The following SHOX variants were observed in gnomAD, a reference collection of about 807,000 sequenced individuals.
SHOX encodes SHOX homeobox.
In SHOX, 12 loss-of-function variants were observed where a neutral mutation model predicts 29.6. The ratio of observed to expected loss-of-function variants is 0.41; its 90% CI spans 0.26 to 0.66. The LOEUF (loss-of-function observed/expected upper bound fraction) is 0.66, where lower values mean the gene tolerates loss of function less well. Among genes scored for constraint, SHOX ranks in the 30% least tolerant of loss-of-function variants. SHOX has a pLI of 0.35. For missense variants in SHOX, 499 were observed against 437.7 expected (o/e 1.14, Z -1.25); for synonymous variants, 214 against 200.6 (o/e 1.07, Z -0.57).
downstream of SHOX, among the ~76,000 whole-genome samples, chrX:656,438 G>T (rs2053147293): frequency 6.6e-6 from 1 of 151,406 alleles, no homozygotes; most frequent in Non-Finnish European, 1.5e-5. Flanking sequence ...AGCCAGCTGT[G>T]CTGGCTGATG....
At chrX:643,975 G>C (rs184156128) in intron 4 of SHOX, among the ~76,000 whole-genome samples, 11,325 of 67,718 alleles carry the variant, frequency 0.17, 570 homozygotes, top group South Asian at 0.24. Flanking sequence ...TGTCTCGGGA[G>C]AGCCTTGGTG....
At chrX:629,707 A>G (rs772193420), upstream of SHOX, among the ~76,000 whole-genome samples, 1 of 152,040 alleles carries the variant, frequency 6.6e-6, no homozygotes, top group African/African-American at 2.4e-5. Context: ...CCGGGGAGGA[A>G]GATGCGCCGT....
chrX:656,842 CAAAA>C (rs777955647), intron 5 of SHOX, among the ~76,000 whole-genome samples: 27,514 of 49,232 alleles, frequency 0.56, 8,165 homozygotes, highest in East Asian at 0.69. Flanking sequence ...GACTCCGTCT[CAAAA>C]AAAAAAAAAA....
downstream of SHOX, among the ~76,000 whole-genome samples, chrX:652,172 G>T (rs1191418669): frequency 6.6e-6 from 1 of 151,966 alleles, no homozygotes; most frequent in African/African-American, 2.4e-5. Flanking sequence ...ATCCACCCGC[G>T]TCTGGGCCCG....
intron 4 of SHOX, among the ~76,000 whole-genome samples, chrX:643,537 G>GAGGTTACGGGGGC (rs2052902993): frequency 7.0e-6 from 1 of 142,450 alleles, no homozygotes; most frequent in Non-Finnish European, 1.5e-5. Flanking sequence ...TGTCTCGGGA[G>GAGGTTACGGGGGC]TGCCTTGGGG....
chrX:640,500 T>C (rs1034521464), intron 2 of SHOX, among the ~76,000 whole-genome samples: 1 of 152,014 alleles, frequency 6.6e-6, no homozygotes, highest in Non-Finnish European at 1.5e-5. Flanking sequence ...GGCTTGAACC[T>C]GGGAGGTGGA....
upstream of SHOX, among the ~76,000 whole-genome samples, chrX:630,114 C>T (rs1444387675): frequency 1.3e-5 from 2 of 152,110 alleles, no homozygotes; most frequent in Non-Finnish European, 2.9e-5. Context: ...GGAGGCGGCC[C>T]CGGGGATCCT....
intron 1 of SHOX, chrX:624,733 CTTTCT>C (rs1364222745): frequency 3.0e-5 from 4 of 132,410 alleles, no homozygotes; most frequent in African/African-American, 5.9e-5. Flanking sequence ...TTCTTTCTTT[CTTTCT>C]TTTCTTTCTT....
intron 4 of SHOX, 75 bp downstream of exon 4, chrX:641,162 C>A (rs972163979): frequency 2.0e-5 from 27 of 1,346,770 alleles, no homozygotes; most frequent in Middle Eastern, 4.1e-4. Context: ...TTTGCTGCCG[C>A]ATCCTGACAC....
intron 2 of SHOX, among the ~76,000 whole-genome samples, chrX:637,071 C>G (rs181463930): frequency 0.022 from 3,297 of 151,224 alleles, 134 homozygotes; most frequent in African/African-American, 0.077. Context: ...GCATCTTTAC[C>G]GAGGGCTGTG....
chrX:636,772 C>A (rs1280558040), intron 2 of SHOX, among the ~76,000 whole-genome samples: 2 of 135,806 alleles, frequency 1.5e-5, no homozygotes, highest in African/African-American at 2.7e-5. Context: ...TATATATTAA[C>A]ATATATATAC....
At chrX:637,035 G>C (rs1392630518) in intron 2 of SHOX, among the ~76,000 whole-genome samples, 1 of 149,960 alleles carries the variant, frequency 6.7e-6, no homozygotes, top group East Asian at 1.9e-4. Context: ...CCCTAAGATC[G>C]TTAGGATTAA....
chrX:655,608 CTCTCTCTATATATATA>C (rs1374617502), downstream of SHOX, among the ~76,000 whole-genome samples: 161 of 24,418 alleles, frequency 6.6e-3, no homozygotes, highest in Admixed American at 0.018. Context: ...CTCTCTCTCT[CTCTCTCTATATATATA>C]TATATATATA....
chrX:633,258 G>A (rs2052680712), intron 1 of SHOX, among the ~76,000 whole-genome samples: 1 of 152,272 alleles, frequency 6.6e-6, no homozygotes, highest in African/African-American at 2.4e-5. Flanking sequence ...GTTCTGCAAA[G>A]CCTGCGGGTG....
rs1222095389 is a variant in SHOX, at chrX:642,068, G to T, written c.633+981G>T. Among the ~76,000 whole-genome samples the T allele has an allele frequency of 2.6e-5, 4 of 152,196 alleles. No homozygotes were observed. In the South Asian group the frequency reaches 6.2e-4, roughly 24 times the overall value. ...GCTTCCAGGGAGTCGGGGTTCGGTCGCGGAGCCCAAGCTTCCCAAGGGCGC... is the reference window on the plus strand; with the variant it reads ...GCTTCCAGGGAGTCGGGGTTCGGTCTCGGAGCCCAAGCTTCCCAAGGGCGC... On this transcript the variant is annotated intron_variant, in intron 4 of 4. Coordinates refer to ENST00000686671, the MANE Select transcript of SHOX (RefSeq NM_000451.4).
At chrX:628,390 T>C (rs1218739723), upstream of SHOX, among the ~76,000 whole-genome samples, 2 of 150,272 alleles carry the variant, frequency 1.3e-5, no homozygotes, top group Non-Finnish European at 3.0e-5. Flanking sequence ...TCCATCTGTC[T>C]GTCTCTCCCT....
At position 650,792 on chromosome X, in the gene SHOX, T is replaced by TAAAAAAAAAAAA. The variant is rs1041655715; in HGVS notation, c.*6172_*6183dup. Among the ~76,000 whole-genome samples, 32 of 50,810 alleles carry TAAAAAAAAAAAA rather than the reference T, an allele frequency of 6.3e-4. 1 individual carries two copies. The highest frequency in any genetic ancestry group is 7.3e-4 in the East Asian group (1 of 1,374). The allele number at this position is 50,810 out of a possible 152,430, so 33.3% of individuals were successfully genotyped here. A position where few individuals can be genotyped will look rare whatever the true frequency, so the allele number is the denominator to read the frequency against. ...GGCTTTCGGTGGACACGTTTGACAT[T>TAAAAAAAAAAAA]AAAAAAAAAAAAAAAAAAAAAAAAA... is the stretch of plus-strand genomic sequence containing the variant. On this transcript the variant is annotated 3_prime_UTR_variant, in exon 5 of 5. Transcript: ENST00000686671.
At chrX:625,211 TCCTCCTCCTCCTTCTC>T (rs1217276708) in intron 1 of SHOX, among the ~76,000 whole-genome samples, 1 of 127,074 alleles carries the variant, frequency 7.9e-6, no homozygotes, top group Non-Finnish European at 1.6e-5. Context: ...CTTCTCCTCC[TCCTCCTCCTCCTTCTC>T]CCTCCTCCTC....
Position 650,123 on chromosome X carries a change from C to T in SHOX, c.*5487C>T, listed in dbSNP as rs188120032. 146 of 426,222 alleles carry T rather than the reference C, an allele frequency of 3.4e-4. No individual in the cohort carries two copies. Among genetic ancestry groups the T allele is most frequent in the African/African-American group, 2.8e-3 (136 of 49,380 alleles). The allele number at this position is 426,222 out of a possible 1,614,324, so 26.4% of individuals were successfully genotyped here. A position where few individuals can be genotyped will look rare whatever the true frequency, so the allele number is the denominator to read the frequency against. ...GTTTCACAGGCAGTGGTGACAGGGC[C>T]CCTTGGCTGTGGCTGTCTTCTCCAG... On this transcript the variant is annotated 3_prime_UTR_variant, in exon 5 of 5. Transcript: ENST00000686671.
Sources: allele counts gnomAD v4.1 joint callset (sites outside exome capture counted in the v4.1 genomes callset), GRCh38; gene constraint gnomAD v4.1.1; transcripts MANE v1.5; gene names NCBI Gene and HGNC (gene_info 2026-07-23, HGNC 2026-07-21).